Variants in INPP5A observed in about 807,000 individuals in gnomAD.
INPP5A encodes the protein 43 kDa inositol polyphosphate 5-phophatase.
In INPP5A, 14 loss-of-function variants were observed where a neutral mutation model predicts 65.2. The ratio of observed to expected loss-of-function variants is 0.21; its 90% confidence interval spans 0.14 to 0.34. INPP5A has a LOEUF of 0.34. Among genes scored for constraint, INPP5A ranks in the 10% least tolerant of loss-of-function variants. The probability of loss-of-function intolerance (pLI) is 1.00; values close to 1 mark genes in which losing one functional copy is unlikely to be tolerated. For missense variants in INPP5A, 431 were observed against 545.6 expected, an observed-to-expected ratio of 0.79 and a Z score of 2.09; for synonymous variants, 207 against 208.3, an observed-to-expected ratio of 0.99 and a Z score of 0.05.
At chr10:132,543,079 A>G (rs1324695508) in intron 1 of INPP5A, among the ~76,000 whole-genome samples, 1 of 152,018 alleles carries the variant, frequency 6.6e-6, no homozygotes, top group East Asian at 1.9e-4. Flanking sequence ...GGAGTGTTGG[A>G]ATCACAGGTG....
intron 1 of INPP5A, among the ~76,000 whole-genome samples, chr10:132,570,595 A>C (rs1476496587): frequency 6.6e-6 from 1 of 152,102 alleles, no homozygotes; most frequent in East Asian, 1.9e-4. Flanking sequence ...CAACTTGGCC[A>C]CTGAATCTTC....
chr10:132,696,733 C>T (rs1845350027), intron 5 of INPP5A, among the ~76,000 whole-genome samples: 1 of 152,204 alleles, frequency 6.6e-6, no homozygotes, highest in Non-Finnish European at 1.5e-5. Context: ...CATGCTGTCT[C>T]CTGTCCATGA....
intron 4 of INPP5A, among the ~76,000 whole-genome samples, chr10:132,667,847 T>G (rs1247843442): frequency 6.6e-6 from 1 of 152,128 alleles, no homozygotes; most frequent in Non-Finnish European, 1.5e-5. Context: ...TGCGGGGACA[T>G]GAATCTTGGG....
chr10:132,770,929 C>T (rs866001387), intron 12 of INPP5A, among the ~76,000 whole-genome samples: 2 of 152,136 alleles, frequency 1.3e-5, no homozygotes, highest in Non-Finnish European at 2.9e-5. Context: ...GTGGGGACGC[C>T]GCCAGCCTCT....
At chr10:132,588,680 T>C (rs2071577720) in intron 1 of INPP5A, among the ~76,000 whole-genome samples, 2 of 152,004 alleles carry the variant, frequency 1.3e-5, no homozygotes, top group African/African-American at 4.8e-5. Context: ...CCACAGTGCT[T>C]TTTTTTTAAA....
intron 1 of INPP5A, among the ~76,000 whole-genome samples, chr10:132,583,348 A>G (rs1291448431): frequency 2.0e-5 from 3 of 152,158 alleles, no homozygotes; most frequent in Non-Finnish European, 4.4e-5. Flanking sequence ...GCATTTGCAG[A>G]TAGAGCCATG....
chr10:132,680,649 G>A (rs2073030150), intron 4 of INPP5A, among the ~76,000 whole-genome samples: 3 of 152,266 alleles, frequency 2.0e-5, no homozygotes, highest in Non-Finnish European at 4.4e-5. Flanking sequence ...CAGTTTGTAG[G>A]GAGGTGTGGA....
Position 132,777,800 on chromosome 10 carries a change from C to T in INPP5A, c.1089+18C>T, listed in dbSNP as rs199824928. ...TGCTGCGGGTGAGTGTGTGCTGCCC[C>T]AGCCCTGGGCACAGAGGGATGTGGA... On this transcript the variant is annotated intron_variant, in intron 13 of 15. Coordinates refer to ENST00000368594, the MANE Select transcript of INPP5A (RefSeq NM_005539.5). The T allele has an allele frequency of 9.9e-6, 16 of 1,610,820 alleles. No homozygotes were observed. The highest frequency in any genetic ancestry group is 1.7e-4 in the Middle Eastern group (1 of 6,060).
chr10:132,575,852 T>A lies in INPP5A; in HGVS notation c.76-32063T>A, dbSNP rs538431991. Among the ~76,000 whole-genome samples the A allele has an allele frequency of 9.2e-5, 14 of 152,298 alleles. No individual in the cohort carries two copies. The East Asian group carries it at 2.5e-3, about 27-fold the overall frequency. ...GCTCTGTGGCTGTTTTCTTTCTTTA[T>A]GATTGTTTGCTTCTCACACTCCCTG... On this transcript the variant is annotated intron_variant, in intron 1 of 15. Transcript: ENST00000368594. This position sits in a 1 kb window ranked among gnomAD's most constrained non-coding sequence, Gnocchi z 5.4.
chr10:132,739,118 A>C (rs1846229182), intron 9 of INPP5A, among the ~76,000 whole-genome samples: 1 of 152,156 alleles, frequency 6.6e-6, no homozygotes, highest in Non-Finnish European at 1.5e-5. Context: ...CCAGCAAGCC[A>C]GGCTCTCAGC....
In INPP5A at chr10:132,704,669, G is replaced by C. The variant is rs760417734; in HGVS notation, c.475-3644G>C. On this transcript the variant is annotated intron_variant, in intron 6 of 15. Transcript: ENST00000368594. The surrounding 1 kb of genome is among the most constrained non-coding windows in gnomAD (Gnocchi z 4.5). ...GGATCCTGTGCGTGGCTGGGCCGTG[G>C]GGGGGCAGTGGCTGTTCCAGGTGGG... Among the ~76,000 whole-genome samples, 2 of 152,046 alleles carry C rather than the reference G, an allele frequency of 1.3e-5. No individual in the cohort carries two copies. The highest frequency in any genetic ancestry group is 6.5e-5 in the Admixed American group (1 of 15,274).
chr10:132,630,892 C>T (rs1188327477), intron 2 of INPP5A, among the ~76,000 whole-genome samples: 3 of 152,188 alleles, frequency 2.0e-5, no homozygotes, highest in South Asian at 2.1e-4. Context: ...TAGAGCCCTG[C>T]GTTTCCACCT....
chr10:132,736,273 C>T (rs958504292), intron 9 of INPP5A, among the ~76,000 whole-genome samples: 1 of 152,238 alleles, frequency 6.6e-6, no homozygotes, highest in Non-Finnish European at 1.5e-5. Context: ...GCCGTGGTGA[C>T]AAAGAGTGAC....
At chr10:132,744,305 G>A (rs1176658241) in intron 9 of INPP5A, among the ~76,000 whole-genome samples, 1 of 152,226 alleles carries the variant, frequency 6.6e-6, no homozygotes, top group African/African-American at 2.4e-5. Context: ...GGGCCAGCAT[G>A]TGAGCCATCC....
chr10:132,662,879 T>C (rs1014778638), intron 4 of INPP5A, among the ~76,000 whole-genome samples: 2 of 152,248 alleles, frequency 1.3e-5, no homozygotes, highest in African/African-American at 4.8e-5. Flanking sequence ...GTTAGTCTCC[T>C]AATTGTGGTG....
rs996337376 is a variant in INPP5A, at chr10:132,651,249, C to T, written c.306+744C>T. 1.6e-4 allele frequency among the ~76,000 whole-genome samples: 25 copies of T among 151,672 alleles called. No homozygotes were observed. Among genetic ancestry groups the T allele is most frequent in the Non-Finnish European group, 5.9e-5 (4 of 67,864 alleles). On this transcript the variant is annotated intron_variant, in intron 4 of 15. Coordinates refer to ENST00000368594, the MANE Select transcript of INPP5A (RefSeq NM_005539.5). The surrounding 1 kb of genome is among the most constrained non-coding windows in gnomAD (Gnocchi z 5.0). ...TCCCCCGGCCTGGATCCATCTCCCC[C>T]GTCTCTGGGGAGGCCCTGGGTCCCC...
At chr10:132,581,258 T>G (rs1309010053) in intron 1 of INPP5A, among the ~76,000 whole-genome samples, 1 of 152,236 alleles carries the variant, frequency 6.6e-6, no homozygotes, top group Non-Finnish European at 1.5e-5. Flanking sequence ...ATAGCACATT[T>G]AGCTGTTCTC....
chr10:132,638,756 C>T (rs1260132255), intron 2 of INPP5A, among the ~76,000 whole-genome samples: 3 of 151,864 alleles, frequency 2.0e-5, no homozygotes, highest in African/African-American at 4.8e-5. Context: ...TTAGTAGAGA[C>T]GGGGTTTCAC....
chr10:132,552,802 A>T (rs557396702), intron 1 of INPP5A, among the ~76,000 whole-genome samples: 10 of 142,840 alleles, frequency 7.0e-5, no homozygotes, highest in Admixed American at 2.8e-4. Flanking sequence ...GGGAGGGAGG[A>T]CTGGTGAACG....
Sources: allele counts gnomAD v4.1 joint callset (sites outside exome capture counted in the v4.1 genomes callset), GRCh38; gene constraint gnomAD v4.1.1; non-coding constraint Gnocchi (gnomAD v3.1); transcripts MANE v1.5; gene names NCBI Gene and HGNC (gene_info 2026-07-23, HGNC 2026-07-21).